RBFOX1: variants seen among roughly 807,000 people sequenced by gnomAD.
RBFOX1 encodes the protein RNA binding protein fox-1 homolog 1.
In RBFOX1, 8 loss-of-function variants were observed where a neutral mutation model predicts 57.7. The ratio of observed to expected loss-of-function variants is 0.14; its 90% CI spans 0.08 to 0.25. The LOEUF (loss-of-function observed/expected upper bound fraction) is 0.25, where lower values mean the gene tolerates loss of function less well. Ranked by LOEUF, RBFOX1 falls within the 10% of genes least tolerant of loss-of-function variation. The pLI, the probability that RBFOX1 is intolerant of heterozygous loss-of-function variation, is 1.00. For synonymous variants in RBFOX1, 326 were observed against 222.4 expected (o/e 1.47, Z -4.15); for missense variants, 611 against 548.5 (o/e 1.11, Z -1.14).
intron 4 of RBFOX1, among the ~76,000 whole-genome samples, chr16:7,148,783 C>G (rs777845568): frequency 3.3e-5 from 5 of 152,192 alleles, no homozygotes; most frequent in Non-Finnish European, 5.9e-5. Context: ...GAGACTAATC[C>G]TGAGTTCGGC....
chr16:6,661,229 A>G (rs2098699555), intron 3 of RBFOX1, among the ~76,000 whole-genome samples: 1 of 152,208 alleles, frequency 6.6e-6, no homozygotes, highest in African/African-American at 2.4e-5. Context: ...GAGACTTACA[A>G]GACTTGAGTG....
intron 2 of RBFOX1, among the ~76,000 whole-genome samples, chr16:6,318,202 C>A (rs1360991561): frequency 1.3e-5 from 2 of 152,196 alleles, no homozygotes; most frequent in African/African-American, 4.8e-5. Flanking sequence ...TAACCCTGAT[C>A]AGCTAACGCT....
chr16:7,149,353 A>T (rs561553828), intron 4 of RBFOX1, among the ~76,000 whole-genome samples: 1 of 152,082 alleles, frequency 6.6e-6, no homozygotes, highest in Non-Finnish European at 1.5e-5. Flanking sequence ...TTATCTCTCA[A>T]TAATCATAAA....
intron 3 of RBFOX1, among the ~76,000 whole-genome samples, chr16:6,889,254 C>T (rs574540203): frequency 6.6e-6 from 1 of 152,294 alleles, no homozygotes; most frequent in South Asian, 2.1e-4. Context: ...CCCATTCTTG[C>T]CCCCGTTAGC....
At chr16:7,089,300 T>C (rs751306065) in intron 4 of RBFOX1, among the ~76,000 whole-genome samples, 1 of 152,188 alleles carries the variant, frequency 6.6e-6, no homozygotes, top group Non-Finnish European at 1.5e-5. Context: ...ATGAACTTAA[T>C]AGAGAGTTCT....
At position 6,309,389 on chromosome 16, in the gene RBFOX1, C is replaced by T. The variant is rs111873449; in HGVS notation, c.-126-7606C>T. ...CACACAGTTGCATCCTTCTGACAGA[C>T]AGTGCAAATTAAAAGATCCGGCGCG... On this transcript the variant is annotated intron_variant, in intron 1 of 15. Transcript: ENST00000550418. Among the ~76,000 whole-genome samples the T allele has an allele frequency of 8.4e-3, 1,284 of 152,206 alleles. 16 individuals are homozygous for T. Among genetic ancestry groups the T allele is most frequent in the African/African-American group, 0.027 (1,132 of 41,528 alleles).
At chr16:6,631,036 A>G (rs2098378947) in intron 2 of RBFOX1, among the ~76,000 whole-genome samples, 1 of 152,198 alleles carries the variant, frequency 6.6e-6, no homozygotes, top group Non-Finnish European at 1.5e-5. Flanking sequence ...GGAAATAAGC[A>G]AGACATGATG....
chr16:5,271,501 T>C lies in RBFOX1; in HGVS notation c.219+31396T>C, dbSNP rs193014372. On this transcript the variant is annotated intron_variant, in intron 1 of 2. Transcript: ENST00000585867. The stretch of plus-strand genomic sequence containing the variant: ...CACTTTTCACTGGGAACTGAGACAC[T>C]GGCTGTGAGCCTTTCTGTCCTGAGA... Among the ~76,000 whole-genome samples, 43 of 152,406 alleles carry C rather than the reference T, an allele frequency of 2.8e-4. 1 individual carries two copies. Among genetic ancestry groups the C allele is most frequent in the Non-Finnish European group, 4.3e-4 (29 of 68,042 alleles).
At chr16:6,364,250 A>C (rs1357848208) in intron 2 of RBFOX1, among the ~76,000 whole-genome samples, 1 of 152,222 alleles carries the variant, frequency 6.6e-6, no homozygotes, top group African/African-American at 2.4e-5. Context: ...CACAGTATAA[A>C]GCCCTTTACC....
intron 4 of RBFOX1, among the ~76,000 whole-genome samples, chr16:7,168,801 A>G (rs1340877700): frequency 6.6e-6 from 1 of 152,168 alleles, no homozygotes; most frequent in Non-Finnish European, 1.5e-5. Context: ...TTGCCAATAA[A>G]CTGTTATTCT....
intron 5 of RBFOX1, among the ~76,000 whole-genome samples, chr16:7,565,221 A>G (rs2091378254): frequency 6.6e-6 from 1 of 152,098 alleles, no homozygotes. Context: ...AGAATGTGCA[A>G]TATTGTCTAA....
intron 3 of RBFOX1, among the ~76,000 whole-genome samples, chr16:5,695,215 TTACTC>T (rs1193793794): frequency 1.3e-5 from 2 of 152,194 alleles, no homozygotes; most frequent in Admixed American, 6.5e-5. Flanking sequence ...TTTTAATTTT[TTACTC>T]TAATATTGAA....
chr16:5,943,289 G>A (rs2059319035), intron 4 of RBFOX1, among the ~76,000 whole-genome samples: 1 of 152,168 alleles, frequency 6.6e-6, no homozygotes, highest in Non-Finnish European at 1.5e-5. Context: ...TTAGTATGTA[G>A]TCCAGGAATC....
At chr16:7,702,620 C>T (rs768509863) in intron 14 of RBFOX1, among the ~76,000 whole-genome samples, 16 of 152,160 alleles carry the variant, frequency 1.1e-4, no homozygotes, top group Non-Finnish European at 1.6e-4. Flanking sequence ...AGAAGCCATG[C>T]GCCCTCCCCT....
intron 3 of RBFOX1, among the ~76,000 whole-genome samples, chr16:7,015,948 C>T (rs2093888813): frequency 6.6e-6 from 1 of 152,098 alleles, no homozygotes; most frequent in Non-Finnish European, 1.5e-5. Flanking sequence ...CCAGTTAATT[C>T]ATCATTTACC....
At chr16:6,856,283 T>C (rs1446420855) in intron 3 of RBFOX1, among the ~76,000 whole-genome samples, 1 of 152,144 alleles carries the variant, frequency 6.6e-6, no homozygotes, top group Non-Finnish European at 1.5e-5. Flanking sequence ...TGTTTTATTG[T>C]TGAGTATGAT....
intron 3 of RBFOX1, among the ~76,000 whole-genome samples, chr16:6,822,572 C>T (rs955606928): frequency 4.6e-5 from 7 of 152,192 alleles, no homozygotes; most frequent in East Asian, 1.9e-4. Context: ...GTGAGCTCTT[C>T]GCCGTGCTTG....
At chr16:7,263,595 G>T (rs1197561566) in intron 4 of RBFOX1, among the ~76,000 whole-genome samples, 1 of 152,000 alleles carries the variant, frequency 6.6e-6, no homozygotes, top group African/African-American at 2.4e-5. Context: ...GAGCTAAAAG[G>T]GGTGATAAGA....
intron 3 of RBFOX1, among the ~76,000 whole-genome samples, chr16:6,839,885 C>G (rs1451589131): frequency 6.6e-6 from 1 of 152,182 alleles, no homozygotes; most frequent in Non-Finnish European, 1.5e-5. Context: ...CCTCCCATCC[C>G]ATTCTCTCGA....
Sources: gnomAD v4.1 joint callset for allele counts (sites outside exome capture counted in the v4.1 genomes callset) on GRCh38, gnomAD v4.1.1 for gene constraint, MANE v1.5 for transcripts, NCBI Gene and HGNC (gene_info 2026-07-23, HGNC 2026-07-21) for gene names.